NRG1: variants seen among roughly 807,000 people sequenced by gnomAD.
The protein encoded by NRG1 is neuregulin 1, also known as pro-neuregulin-1, membrane-bound isoform.
A neutral mutation model predicts 63.8 loss-of-function variants in NRG1; 18 were observed. The ratio of observed to expected loss-of-function variants is 0.28; its 90% CI spans 0.19 to 0.42. NRG1 has a LOEUF of 0.42. Among genes scored for constraint, NRG1 ranks in the 10% least tolerant of loss-of-function variants. NRG1 has a pLI of 1.00. For missense variants in NRG1, 762 were observed against 814.7 expected, an observed-to-expected ratio of 0.94 and a Z score of 0.79; for synonymous variants, 302 against 301.3, an observed-to-expected ratio of 1.00 and a Z score of -0.02.
At chr8:32,194,132 CATCCCTA>C (rs1482548502) in intron 1 of NRG1, among the ~76,000 whole-genome samples, 4 of 152,148 alleles carry the variant, frequency 2.6e-5, no homozygotes, top group Non-Finnish European at 4.4e-5. Context: ...TCCGTTTCCT[CATCCCTA>C]AAATAGAATC....
At chr8:31,747,437 C>G in intron 1 of NRG1, among the ~76,000 whole-genome samples, 1 of 152,074 alleles carries the variant, frequency 6.6e-6, no homozygotes, top group East Asian at 1.9e-4. Flanking sequence ...TATGGAGTGA[C>G]AAATTCGGAA....
At chr8:31,913,879 A>G (rs930732689) in intron 1 of NRG1, among the ~76,000 whole-genome samples, 1 of 152,160 alleles carries the variant, frequency 6.6e-6, no homozygotes, top group Non-Finnish European at 1.5e-5. Flanking sequence ...AACTTCATCC[A>G]CTTAACTTGA....
intron 1 of NRG1, among the ~76,000 whole-genome samples, chr8:32,224,666 C>G (rs561963778): frequency 1.3e-5 from 2 of 152,130 alleles, no homozygotes; most frequent in Non-Finnish European, 2.9e-5. Flanking sequence ...TGTCATTGCT[C>G]TCTCTAGACA....
At chr8:32,477,273 G>A (rs534389941) in intron 1 of NRG1, among the ~76,000 whole-genome samples, 3 of 152,310 alleles carry the variant, frequency 2.0e-5, no homozygotes, top group African/African-American at 7.2e-5. Context: ...CCAGAGGTCA[G>A]CGGCCACCAC....
At chr8:32,579,414 G>A (rs1411419750) in intron 1 of NRG1, among the ~76,000 whole-genome samples, 1 of 152,134 alleles carries the variant, frequency 6.6e-6, no homozygotes, top group Non-Finnish European at 1.5e-5. Flanking sequence ...ACTGAGGCTG[G>A]AGAGAAAGAA....
At chr8:31,679,890 A>G (rs1808137895) in intron 1 of NRG1, among the ~76,000 whole-genome samples, 1 of 152,152 alleles carries the variant, frequency 6.6e-6, no homozygotes, top group Non-Finnish European at 1.5e-5. Context: ...AATGTACAAA[A>G]TCAATTGCAT....
intron 1 of NRG1, among the ~76,000 whole-genome samples, chr8:31,764,125 G>A (rs746027779): frequency 1.3e-5 from 2 of 151,902 alleles, no homozygotes; most frequent in Non-Finnish European, 2.9e-5. Flanking sequence ...TCTGAGATTA[G>A]TCTTGCCTCT....
chr8:31,811,062 T>C (rs1210900858), intron 1 of NRG1, among the ~76,000 whole-genome samples: 2 of 152,196 alleles, frequency 1.3e-5, no homozygotes, highest in African/African-American at 2.4e-5. Context: ...GTTAACTTTA[T>C]TTAGAAAGAG....
intron 6 of NRG1, among the ~76,000 whole-genome samples, chr8:32,740,479 G>A (rs1826063958): frequency 6.6e-6 from 1 of 152,134 alleles, no homozygotes; most frequent in African/African-American, 2.4e-5. Context: ...TTACAGGCAT[G>A]AGCCACTGCG....
chr8:32,497,126 G>A (rs1827286767), intron 1 of NRG1, among the ~76,000 whole-genome samples: 1 of 152,050 alleles, frequency 6.6e-6, no homozygotes, highest in Admixed American at 6.6e-5. Context: ...ATAAAATTGA[G>A]TCTTATTGTA....
In NRG1 at chr8:32,260,298, G is replaced by A. The variant is rs16879058; in HGVS notation, c.38-335530G>A. On this transcript the variant is annotated intron_variant, in intron 1 of 10. Coordinates refer to the NRG1 transcript ENST00000519301. ...GTCCTTTGGAAAAACTGAAGATGAC[G>A]TCCTAGATAATTTTGAAGTCTTATG... Among the ~76,000 whole-genome samples, 1,122 of 152,258 alleles carry A rather than the reference G, an allele frequency of 7.4e-3. 13 individuals carry two copies. The highest frequency in any genetic ancestry group is 0.025 in the African/African-American group (1,030 of 41,548).
intron 1 of NRG1, among the ~76,000 whole-genome samples, chr8:32,315,848 T>C (rs1857323642): frequency 6.7e-6 from 1 of 149,714 alleles, no homozygotes; most frequent in Non-Finnish European, 1.5e-5. Context: ...TACGAAACAA[T>C]TAATGCTTGC....
At chr8:32,597,870 C>A (rs1353115405) in intron 2 of NRG1, among the ~76,000 whole-genome samples, 1 of 151,874 alleles carries the variant, frequency 6.6e-6, no homozygotes, top group Admixed American at 6.6e-5. Flanking sequence ...GGAGGAAATA[C>A]AATGAATGAA....
intron 1 of NRG1, among the ~76,000 whole-genome samples, chr8:32,225,136 C>G (rs943740980): frequency 1.3e-5 from 2 of 152,168 alleles, no homozygotes; most frequent in African/African-American, 4.8e-5. Flanking sequence ...TTGGAAATGA[C>G]ATCAACCACG....
chr8:32,027,462 T>TCCCTCCCTCCCTCCCTCCC (rs1563696098), intron 1 of NRG1, among the ~76,000 whole-genome samples: 1 of 62,102 alleles, frequency 1.6e-5, no homozygotes, highest in African/African-American at 7.0e-5. Flanking sequence ...CCTTCCTTCC[T>TCCCTCCCTCCCTCCCTCCC]TCCTTCCCTC....
chr8:32,718,206 TTC>T (rs1436927276), intron 5 of NRG1, among the ~76,000 whole-genome samples: 2 of 152,314 alleles, frequency 1.3e-5, no homozygotes, highest in East Asian at 3.9e-4. Flanking sequence ...TGATGAGTGT[TTC>T]CTAGATTGCG....
chr8:32,396,882 C>G (rs1812500393), intron 1 of NRG1, among the ~76,000 whole-genome samples: 2 of 152,342 alleles, frequency 1.3e-5, no homozygotes, highest in Non-Finnish European at 2.9e-5. Flanking sequence ...ACAGAATTGC[C>G]TTTAATGTCC....
At chr8:32,745,133 A>G (rs1451794860) in intron 7 of NRG1, among the ~76,000 whole-genome samples, 2 of 152,122 alleles carry the variant, frequency 1.3e-5, no homozygotes, top group Non-Finnish European at 2.9e-5. Flanking sequence ...GCAAACCCCT[A>G]CATAGAAGTC....
At chr8:31,816,607 CT>C (rs1823471807) in intron 1 of NRG1, among the ~76,000 whole-genome samples, 1 of 152,142 alleles carries the variant, frequency 6.6e-6, no homozygotes, top group African/African-American at 2.4e-5. Context: ...TATATCCTCA[CT>C]TTGTGAACTA....
Sources: gnomAD v4.1 joint callset for allele counts (sites outside exome capture counted in the v4.1 genomes callset) on GRCh38, gnomAD v4.1.1 for gene constraint, MANE v1.5 for transcripts, NCBI Gene and HGNC (gene_info 2026-07-23, HGNC 2026-07-21) for gene names.